The following ARHGEF7 variants were observed in gnomAD, a reference collection of about 807,000 sequenced individuals.
The protein encoded by ARHGEF7 is Rho guanine nucleotide exchange factor 7, also known as PAK-interacting exchange factor beta.
ARHGEF7 carries 33 observed loss-of-function variants against 109.8 expected under a neutral mutation model. That is an observed-to-expected ratio of 0.30 (90% CI 0.23 to 0.40). ARHGEF7 has a LOEUF of 0.40. Among genes scored for constraint, ARHGEF7 ranks in the 10% least tolerant of loss-of-function variants. ARHGEF7 has a pLI of 1.00. For missense variants in ARHGEF7, 938 were observed against 1,098.5 expected, an observed-to-expected ratio of 0.85 and a Z score of 2.07; for synonymous variants, 458 against 424.6, an observed-to-expected ratio of 1.08 and a Z score of -0.97.
chr13:111,259,379 T>TCACA (rs370178158), intron 8 of ARHGEF7, among the ~76,000 whole-genome samples: 31 of 152,136 alleles, frequency 2.0e-4, no homozygotes, highest in African/African-American at 5.8e-4. Flanking sequence ...GCTACTCATC[T>TCACA]CACACACACA....
In ARHGEF7 at chr13:111,188,859, T is replaced by A. The variant is rs547194255; in HGVS notation, c.253-16430T>A. Among the ~76,000 whole-genome samples the A allele has an allele frequency of 1.6e-4, 24 of 152,364 alleles. 2 individuals carry two copies. The South Asian group carries it at 2.3e-3, about 14-fold the overall frequency. ...TTTGATTTTGTTTTTGCAGGATGCA[T>A]TTCCTCTCCTTCAGGAATAAGTTCT... On this transcript the variant is annotated intron_variant, in intron 2 of 21. Transcript: ENST00000646102.
chr13:111,115,547 C>G lies in ARHGEF7; in HGVS notation c.21C>G (p.Thr7=). The change falls in exon 1 of 22, where the codon ACC becomes ACG. Residue 7 remains threonine (T), a synonymous_variant. Transcript: ENST00000646102. Reference sequence around the variant, plus strand: ...CAGCGATGAATTCCGCCGAGCAAACCGTTACGTGGCTCATCACTCTGGGGG... The same window carrying G: ...CAGCGATGAATTCCGCCGAGCAAACGGTTACGTGGCTCATCACTCTGGGGG... The part of the protein sequence containing the change: MNSAEQ[T]VTWLITLGVL... 7.1e-7 allele frequency: 1 copy of G among 1,406,366 alleles called. No homozygotes were observed. 87.1% of individuals were successfully genotyped at this position (1,406,366 alleles called of 1,614,324 possible). A position where few individuals can be genotyped will look rare whatever the true frequency, so the allele number is the denominator to read the frequency against.
intron 1 of ARHGEF7, chr13:111,122,738 T>C (rs1333712045): frequency 6.6e-6 from 1 of 152,230 alleles, no homozygotes; most frequent in African/African-American, 2.4e-5. Context: ...TTCAGGCAGG[T>C]CAGAAGAGAA....
intron 6 of ARHGEF7, among the ~76,000 whole-genome samples, chr13:111,238,438 G>A (rs1190101620): frequency 1.3e-5 from 2 of 152,170 alleles, no homozygotes; most frequent in Non-Finnish European, 2.9e-5. Context: ...GTATTAAGAA[G>A]AGTATTTAAG....
intron 5 of ARHGEF7, among the ~76,000 whole-genome samples, chr13:111,225,292 C>T (rs541712785): frequency 1.3e-5 from 2 of 152,214 alleles, no homozygotes; most frequent in Admixed American, 6.5e-5. Flanking sequence ...GTATTACTTA[C>T]ATGCCACATG....
intron 5 of ARHGEF7, among the ~76,000 whole-genome samples, chr13:111,221,528 T>TGTATCTATATATATAGATAC (rs2084296955): frequency 5.5e-5 from 2 of 36,654 alleles, no homozygotes; most frequent in Admixed American, 3.9e-4. Context: ...TATATCTATA[T>TGTATCTATATATATAGATAC]ATATCTATAT....
intron 13 of ARHGEF7, among the ~76,000 whole-genome samples, chr13:111,277,933 GTC>G (rs1175349143): frequency 6.6e-6 from 1 of 152,240 alleles, no homozygotes; most frequent in Non-Finnish European, 1.5e-5. Flanking sequence ...GCACAAGTCA[GTC>G]TCTGTCATTG....
At chr13:111,283,421 G>A in intron 16 of ARHGEF7, 58 bp downstream of exon 16, 2 of 1,520,886 alleles carry the variant, frequency 1.3e-6, no homozygotes, top group Non-Finnish European at 1.8e-6. Context: ...TCGGGCCCTG[G>A]GTGTGCCCAC....
chr13:111,260,339 A>G (rs371230123), intron 8 of ARHGEF7, among the ~76,000 whole-genome samples: 53 of 152,364 alleles, frequency 3.5e-4, no homozygotes, highest in African/African-American at 1.1e-3. Context: ...CCCATAGGTC[A>G]ATGATGAAGA....
At chr13:111,123,866 C>G (rs1053041683) in intron 1 of ARHGEF7, among the ~76,000 whole-genome samples, 1 of 55,586 alleles carries the variant, frequency 1.8e-5, no homozygotes, top group African/African-American at 6.3e-5. Flanking sequence ...GGCTGCGCCC[C>G]CCCCCCCCGG....
At chr13:111,215,038 G>T (rs1463745310) in intron 4 of ARHGEF7, among the ~76,000 whole-genome samples, 1 of 151,990 alleles carries the variant, frequency 6.6e-6, no homozygotes, top group East Asian at 1.9e-4. Flanking sequence ...AAACAGTAGG[G>T]ACGGCCACTT....
intron 1 of ARHGEF7, among the ~76,000 whole-genome samples, chr13:111,141,644 T>A (rs971567455): frequency 2.0e-5 from 3 of 151,724 alleles, no homozygotes; most frequent in African/African-American, 7.3e-5. Context: ...TTTTTTTTTT[T>A]ATGGATTGAT....
At position 111,278,084 on chromosome 13, in the gene ARHGEF7, G is replaced by A. The variant is rs1479307905; in HGVS notation, c.1506+411G>A. Among the ~76,000 whole-genome samples, 3 of 152,206 alleles carry A rather than the reference G, an allele frequency of 2.0e-5. No individual in the cohort carries two copies. The East Asian group carries it at 5.8e-4, about 29-fold the overall frequency. On this transcript the variant is annotated intron_variant, in intron 13 of 21. Transcript: ENST00000646102. ...GTCAGTGGCACGGCACCGCCCAAAT[G>A]CATCAGCAAACAGAAAGTGATGTAA... is the stretch of plus-strand genomic sequence containing the variant.
chr13:111,118,851 T>C (rs1010932168), intron 1 of ARHGEF7, among the ~76,000 whole-genome samples: 3 of 152,246 alleles, frequency 2.0e-5, no homozygotes, highest in African/African-American at 7.2e-5. Flanking sequence ...TTTCTCTGTG[T>C]GTCCCAGGAG....
intron 3 of ARHGEF7, among the ~76,000 whole-genome samples, chr13:111,208,294 C>T (rs2082118388): frequency 6.6e-6 from 1 of 152,184 alleles, no homozygotes; most frequent in Admixed American, 6.5e-5. Flanking sequence ...CCAGCCTCTG[C>T]CTCCCTAAGT....
chr13:111,287,589 G>C (rs1334357128), intron 17 of ARHGEF7, among the ~76,000 whole-genome samples: 1 of 152,232 alleles, frequency 6.6e-6, no homozygotes, highest in Non-Finnish European at 1.5e-5. Flanking sequence ...GAGACCCAGT[G>C]GGGAGGACAG....
intron 5 of ARHGEF7, among the ~76,000 whole-genome samples, chr13:111,223,289 A>G (rs1272770386): frequency 6.6e-6 from 1 of 152,102 alleles, no homozygotes; most frequent in Non-Finnish European, 1.5e-5. Context: ...TTAGTGCTTG[A>G]TTTTTCTGAA....
At position 111,283,262 on chromosome 13, in the gene ARHGEF7, TG is replaced by T; in HGVS notation, c.1853del (p.Gly618AspfsTer14). On this transcript the variant is annotated frameshift_variant, in exon 16 of 22. Transcript: ENST00000646102. LOFTEE classifies it high-confidence loss of function. ...HHGTPHTTIN[W>X]GPLEPPKTPK... ...CGGCACCCCGCACACCACCATCAAC[TG>T]GGGACCCCTGGAGCCTCCGAAAACA... 6.3e-7 allele frequency: 1 copy of T among 1,581,040 alleles called. No individual in the cohort carries two copies.
chr13:111,129,029 A>G (rs1191424890), intron 1 of ARHGEF7, among the ~76,000 whole-genome samples: 1 of 152,238 alleles, frequency 6.6e-6, no homozygotes. Flanking sequence ...ATAGATCAAC[A>G]GAACAGAATA....
Sources: gnomAD v4.1 joint callset for allele counts (sites outside exome capture counted in the v4.1 genomes callset) on GRCh38, gnomAD v4.1.1 for gene constraint, MANE v1.5 for transcripts, NCBI Gene and HGNC (gene_info 2026-07-23, HGNC 2026-07-21) for gene names.